Variants in STK3 observed in about 807,000 individuals in gnomAD.
STK3 encodes the protein serine/threonine-protein kinase 3.
Under a neutral mutation model 58.0 loss-of-function variants are expected in STK3, and 41 were observed. That is an observed-to-expected ratio of 0.71 (90% CI 0.55 to 0.92). The LOEUF (loss-of-function observed/expected upper bound fraction) is 0.92, where lower values mean the gene tolerates loss of function less well. Among genes scored for constraint, STK3 ranks in the 40% least tolerant of loss-of-function variants. The probability of loss-of-function intolerance (pLI) is 0.00; values close to 1 mark genes in which losing one functional copy is unlikely to be tolerated. For missense variants in STK3, 479 were observed against 602.7 expected, an observed-to-expected ratio of 0.79 and a Z score of 2.15; for synonymous variants, 170 against 191.0, an observed-to-expected ratio of 0.89 and a Z score of 0.91.
chr8:98,742,444 C>T lies in STK3; in HGVS notation c.351+6832G>A, dbSNP rs757217686. Among the ~76,000 whole-genome samples the T allele has an allele frequency of 3.3e-5, 4 of 122,150 alleles. 2 individuals are homozygous for T. The highest frequency in any genetic ancestry group is 7.0e-5 in the Non-Finnish European group (4 of 57,030). 80.1% of individuals were successfully genotyped at this position (122,150 alleles called of 152,430 possible). A position where few individuals can be genotyped will look rare whatever the true frequency, so the allele number is the denominator to read the frequency against. ...GGTTCAACATACGCAAATCAATAAACGTAATCCATCACGTAAACAGAACCA... is the reference window on the plus strand; with the variant it reads ...GGTTCAACATACGCAAATCAATAAATGTAATCCATCACGTAAACAGAACCA... On this transcript the variant is annotated intron_variant, in intron 4 of 10. Transcript: ENST00000419617.
chr8:98,625,633 A>T (rs1818654920), intron 6 of STK3, among the ~76,000 whole-genome samples: 1 of 152,200 alleles, frequency 6.6e-6, no homozygotes, highest in Non-Finnish European at 1.5e-5. Context: ...ACAGTAACTC[A>T]TCTGTGCTTA....
chr8:98,830,741 C>T (rs376565153), intron 3 of STK3, among the ~76,000 whole-genome samples: 8 of 152,000 alleles, frequency 5.3e-5, no homozygotes, highest in Non-Finnish European at 1.0e-4. Context: ...GAGGCCGAGG[C>T]GGGCAGATCA....
rs77362881 is a variant in STK3, at chr8:98,817,141, A to C, written c.26+8374T>G. Among the ~76,000 whole-genome samples the C allele has an allele frequency of 3.9e-3, 594 of 152,280 alleles. 1 individual carries two copies. The highest frequency in any genetic ancestry group is 5.7e-3 in the Non-Finnish European group (389 of 68,028). ...TGTTTTCCATTCTCTACTCTAACTG[A>C]GTGAAAACAATAGGATAAAAATAGA... On this transcript the variant is annotated intron_variant, in intron 1 of 10. Coordinates refer to ENST00000419617, the MANE Select transcript of STK3 (RefSeq NM_006281.4).
intron 6 of STK3, among the ~76,000 whole-genome samples, chr8:98,657,726 T>A (rs1378721849): frequency 6.6e-6 from 1 of 151,904 alleles, no homozygotes; most frequent in Non-Finnish European, 1.5e-5. Context: ...AAAAAAAGAG[T>A]ATTAAGAGTA....
chr8:98,755,741 T>C (rs1011176242), intron 3 of STK3, among the ~76,000 whole-genome samples: 4 of 152,206 alleles, frequency 2.6e-5, no homozygotes, highest in African/African-American at 7.2e-5. Context: ...GACTTTGTCA[T>C]TGACTTTTAT....
chr8:98,895,959 C>T (rs1005037109), intron 1 of STK3, among the ~76,000 whole-genome samples: 3 of 152,092 alleles, frequency 2.0e-5, no homozygotes, highest in African/African-American at 7.2e-5. Context: ...TAATTCTCTA[C>T]CCTCGTAAAA....
chr8:98,401,183 T>C (rs1817940568), downstream of STK3, among the ~76,000 whole-genome samples: 1 of 151,756 alleles, frequency 6.6e-6, no homozygotes, highest in African/African-American at 2.4e-5. Flanking sequence ...AGAGACCACA[T>C]AGAGATGGAG....
At chr8:98,784,270 G>A (rs1450806226) in intron 1 of STK3, among the ~76,000 whole-genome samples, 1 of 152,202 alleles carries the variant, frequency 6.6e-6, no homozygotes, top group Non-Finnish European at 1.5e-5. Context: ...TCTGGCTCTG[G>A]AGCAGGACAG....
chr8:98,526,260 G>T (rs527785502), intron 10 of STK3, among the ~76,000 whole-genome samples: 1 of 152,026 alleles, frequency 6.6e-6, no homozygotes, highest in East Asian at 1.9e-4. Flanking sequence ...ATGCTCCTAG[G>T]TACAGAATAG....
Position 98,631,814 on chromosome 8 carries a change from G to A in STK3, c.685-35645C>T, listed in dbSNP as rs188322058. On this transcript the variant is annotated intron_variant, in intron 6 of 10. Coordinates refer to ENST00000419617, the MANE Select transcript of STK3 (RefSeq NM_006281.4). Reference sequence around the variant, plus strand: ...AAAGTAGCTGGGACTACAGGCATACGCCACTATGCCCACCTACTTTTTGTA... The same window carrying A: ...AAAGTAGCTGGGACTACAGGCATACACCACTATGCCCACCTACTTTTTGTA... 7.0e-4 allele frequency among the ~76,000 whole-genome samples: 106 copies of A among 152,250 alleles called. 2 individuals are homozygous for A. The highest frequency in any genetic ancestry group is 2.4e-3 in the African/African-American group (100 of 41,548).
chr8:98,388,830 C>T (rs1430678069), upstream of STK3, among the ~76,000 whole-genome samples: 3 of 152,110 alleles, frequency 2.0e-5, no homozygotes, highest in African/African-American at 7.2e-5. Flanking sequence ...AGCTGATGTC[C>T]TTTGCCATTA....
At chr8:98,618,235 C>T (rs1164822185) in intron 6 of STK3, among the ~76,000 whole-genome samples, 1 of 150,668 alleles carries the variant, frequency 6.6e-6, no homozygotes, top group Non-Finnish European at 1.5e-5. Context: ...TCAATAGATG[C>T]AGAAAAAGCC....
chr8:98,423,071 G>T (rs1198348894), intron 3 of STK3, among the ~76,000 whole-genome samples: 2 of 152,192 alleles, frequency 1.3e-5, no homozygotes, highest in African/African-American at 2.4e-5. Flanking sequence ...TCCAAGCACA[G>T]TGACTCCCTC....
intron 10 of STK3, among the ~76,000 whole-genome samples, chr8:98,490,130 A>G (rs1822574877): frequency 6.6e-6 from 1 of 152,184 alleles, no homozygotes; most frequent in Admixed American, 6.5e-5. Flanking sequence ...AAGTTTCCTT[A>G]GTTACAGATC....
chr8:98,666,730 T>G (rs577928450), intron 6 of STK3, among the ~76,000 whole-genome samples: 2 of 152,314 alleles, frequency 1.3e-5, no homozygotes, highest in South Asian at 4.1e-4. Flanking sequence ...TCTCTGGACA[T>G]GAAAAACTAA....
chr8:98,754,780 G>A (rs1830187798), intron 3 of STK3, among the ~76,000 whole-genome samples: 1 of 152,002 alleles, frequency 6.6e-6, no homozygotes. Flanking sequence ...AAAGTGCTGA[G>A]ACTATAGGTG....
chr8:98,417,684 T>G (rs1007758421), intron 3 of STK3, among the ~76,000 whole-genome samples: 1 of 152,130 alleles, frequency 6.6e-6, no homozygotes, highest in African/African-American at 2.4e-5. Context: ...CACCATGTTG[T>G]TGTGATGATT....
chr8:98,516,154 A>G (rs1346204003), intron 10 of STK3, among the ~76,000 whole-genome samples: 1 of 152,126 alleles, frequency 6.6e-6, no homozygotes, highest in Admixed American at 6.6e-5. Context: ...GCCTCCTATC[A>G]TGAGTCATAG....
chr8:98,431,628 A>G (rs773036192), intron 3 of STK3: 40 of 167,074 alleles, frequency 2.4e-4, no homozygotes, highest in Non-Finnish European at 3.2e-4. Context: ...TGCAAAGTGG[A>G]AGCAAGGAAC....
Sources: allele counts gnomAD v4.1 joint callset (sites outside exome capture counted in the v4.1 genomes callset), GRCh38; gene constraint gnomAD v4.1.1; transcripts MANE v1.5; gene names NCBI Gene and HGNC (gene_info 2026-07-23, HGNC 2026-07-21).